The following RGS6 variants were observed in gnomAD, a reference collection of about 807,000 sequenced individuals.
RGS6 encodes the protein regulator of G-protein signaling 6.
In RGS6, 30 loss-of-function variants were observed where a neutral mutation model predicts 78.5. The ratio of observed to expected loss-of-function variants is 0.38; its 90% CI spans 0.29 to 0.52. The LOEUF is 0.52. Ranked by LOEUF, RGS6 falls within the 20% of genes least tolerant of loss-of-function variation. The pLI, the probability that RGS6 is intolerant of heterozygous loss-of-function variation, is 0.85. For missense variants in RGS6, 495 were observed against 609.7 expected, an observed-to-expected ratio of 0.81 and a Z score of 1.98; for synonymous variants, 206 against 206.0, an observed-to-expected ratio of 1.00 and a Z score of 0.00.
chr14:72,342,135 A>G (rs2077125103), intron 2 of RGS6, among the ~76,000 whole-genome samples: 1 of 152,220 alleles, frequency 6.6e-6, no homozygotes, highest in Non-Finnish European at 1.5e-5. Flanking sequence ...AGGTTGCCAC[A>G]TGGTGTTCCA....
At chr14:72,326,084 T>G (rs539479646) in intron 2 of RGS6, among the ~76,000 whole-genome samples, 2 of 152,348 alleles carry the variant, frequency 1.3e-5, no homozygotes, top group Admixed American at 1.3e-4. Context: ...TACTTGCACT[T>G]GTGTGAATGA....
intron 2 of RGS6, among the ~76,000 whole-genome samples, chr14:72,181,262 G>A (rs149652): frequency 0.75 from 113,384 of 152,124 alleles, 42,462 homozygotes; most frequent in East Asian, 0.91. Context: ...TAAGGAGCAG[G>A]TAAAATAATT....
chr14:72,555,822 T>TGACA (rs1379344746), intron 17 of RGS6, among the ~76,000 whole-genome samples: 1 of 152,228 alleles, frequency 6.6e-6, no homozygotes, highest in African/African-American at 2.4e-5. Flanking sequence ...CTCGCATGCT[T>TGACA]GACAGACACA....
chr14:72,149,778 A>G (rs1016618843), intron 2 of RGS6, among the ~76,000 whole-genome samples: 2 of 152,204 alleles, frequency 1.3e-5, no homozygotes, highest in Admixed American at 6.5e-5. Context: ...TTGGGGTCAT[A>G]TATCTCCAAA....
At chr14:72,064,376 G>A (rs906984688) in intron 2 of RGS6, among the ~76,000 whole-genome samples, 2 of 152,130 alleles carry the variant, frequency 1.3e-5, no homozygotes, top group Non-Finnish European at 2.9e-5. Context: ...TAAAAAGTTG[G>A]CAGCTTTCCT....
chr14:72,629,820 C>T, the RGS6 span: 2 of 1,126,488 alleles, frequency 1.8e-6, no homozygotes, highest in East Asian at 2.6e-5. Flanking sequence ...CACATTGATG[C>T]CCAGTGTGCA....
chr14:72,459,821 G>A (rs1459103285), intron 6 of RGS6, 138 bp downstream of exon 6: 3 of 816,100 alleles, frequency 3.7e-6, no homozygotes, highest in Admixed American at 2.0e-5. Context: ...TTCTCATATT[G>A]TTGCTATATA....
chr14:72,261,092 A>G (rs1472326565), intron 2 of RGS6, among the ~76,000 whole-genome samples: 5 of 152,130 alleles, frequency 3.3e-5, no homozygotes, highest in Non-Finnish European at 7.4e-5. Context: ...TGGTTCTTCC[A>G]CCATGCTAGG....
At chr14:72,448,541 C>T (rs1218784113) in intron 3 of RGS6, among the ~76,000 whole-genome samples, 2 of 151,916 alleles carry the variant, frequency 1.3e-5, no homozygotes, top group Non-Finnish European at 2.9e-5. Flanking sequence ...GATTGTCCTA[C>T]TTAGAATATC....
intron 2 of RGS6, among the ~76,000 whole-genome samples, chr14:72,068,047 A>G (rs2094235719): frequency 6.6e-6 from 1 of 152,180 alleles, no homozygotes; most frequent in Non-Finnish European, 1.5e-5. Flanking sequence ...TTAAAGGGAA[A>G]TGCTGATGGG....
chr14:72,351,849 C>T (rs115264187), intron 2 of RGS6, among the ~76,000 whole-genome samples: 122 of 152,252 alleles, frequency 8.0e-4, no homozygotes, highest in African/African-American at 2.9e-3. Context: ...TTCCTCCATA[C>T]CTTGTTGAAC....
intron 16 of RGS6, 64 bp from the exon 17 acceptor site, chr14:72,539,977 C>A (rs376753383): frequency 2.1e-6 from 3 of 1,403,130 alleles, no homozygotes; most frequent in Non-Finnish European, 1.9e-6. Flanking sequence ...TTGGGAACCA[C>A]GTATAAGCTG....
At chr14:72,149,227 A>AG (rs2153632030) in intron 2 of RGS6, among the ~76,000 whole-genome samples, 1 of 152,326 alleles carries the variant, frequency 6.6e-6, no homozygotes, top group African/African-American at 2.4e-5. Context: ...ATAAAGTGAG[A>AG]GCCAGACAGA....
At chr14:72,560,635 A>C (rs2097659393) in intron 17 of RGS6, among the ~76,000 whole-genome samples, 2 of 152,204 alleles carry the variant, frequency 1.3e-5, no homozygotes. Context: ...ACAAAGGAGT[A>C]GTCATTCTTA....
chr14:72,149,234 C>T (rs2096649065), intron 2 of RGS6, among the ~76,000 whole-genome samples: 1 of 152,146 alleles, frequency 6.6e-6, no homozygotes, highest in African/African-American at 2.4e-5. Context: ...GAGAGCCAGA[C>T]AGAGACTATC....
chr14:72,487,300 T>C (rs1395655169), intron 12 of RGS6, among the ~76,000 whole-genome samples: 1 of 152,232 alleles, frequency 6.6e-6, no homozygotes, highest in African/African-American at 2.4e-5. Context: ...CATAGATAAA[T>C]ATAGTAAGAA....
the RGS6 span, among the ~76,000 whole-genome samples, chr14:71,872,796 C>T: frequency 6.6e-6 from 1 of 152,142 alleles, no homozygotes; most frequent in African/African-American, 2.4e-5. Flanking sequence ...CTCTCCCATT[C>T]CCCATCCCAC....
At chr14:71,910,917 C>CTGAG in the RGS6 span, among the ~76,000 whole-genome samples, 5 of 152,238 alleles carry the variant, frequency 3.3e-5, no homozygotes, top group East Asian at 9.7e-4. Flanking sequence ...TCAATGACAC[C>CTGAG]TGAGTTTTTT....
intron 2 of RGS6, among the ~76,000 whole-genome samples, chr14:72,308,261 C>T (rs2067712001): frequency 6.6e-6 from 1 of 152,106 alleles, no homozygotes; most frequent in Admixed American, 6.5e-5. Context: ...TCTGTAGTTC[C>T]CCTACCGCAA....
Sources: allele counts gnomAD v4.1 joint callset (sites outside exome capture counted in the v4.1 genomes callset), GRCh38; gene constraint gnomAD v4.1.1; transcripts MANE v1.5; gene names NCBI Gene and HGNC (gene_info 2026-07-23, HGNC 2026-07-21).